Variants in SMAD4 observed in about 807,000 individuals in gnomAD.
The protein encoded by SMAD4 is SMAD family member 4, also known as MAD homolog 4.
A neutral mutation model predicts 63.2 loss-of-function variants in SMAD4; 7 were observed. The ratio of observed to expected loss-of-function variants is 0.11; its 90% CI spans 0.06 to 0.21. The LOEUF (loss-of-function observed/expected upper bound fraction) is 0.21, where lower values mean the gene tolerates loss of function less well. SMAD4 is among the 10% of genes least tolerant of loss of function. The pLI, the probability that SMAD4 is intolerant of heterozygous loss-of-function variation, is 1.00. For synonymous variants in SMAD4, 215 were observed against 235.4 expected (o/e 0.91, Z 0.79); for missense variants, 312 against 693.8 (o/e 0.45, Z 6.18).
At chr18:51,043,423 T>G (rs2144393393) in intron 1 of SMAD4, among the ~76,000 whole-genome samples, 1 of 152,318 alleles carries the variant, frequency 6.6e-6, no homozygotes, top group Non-Finnish European at 1.5e-5. Context: ...ATGTTAACAT[T>G]CAGTCATGCG....
chr18:51,081,843 A>G lies in SMAD4; in HGVS notation c.*3376A>G, dbSNP rs559571514. 2 of 232,384 alleles carry G rather than the reference A, an allele frequency of 8.6e-6. No individual in the cohort carries two copies. The highest frequency in any genetic ancestry group is 1.1e-4 in the Admixed American group (2 of 17,774). The allele number at this position is 232,384 out of a possible 1,614,324, so 14.4% of individuals were successfully genotyped here. ...GTCATCTGGGGAAGGAAAATTTTACATTTTACTATTAATGCTCCTTAAGTG... is the reference window on the plus strand; with the variant it reads ...GTCATCTGGGGAAGGAAAATTTTACGTTTTACTATTAATGCTCCTTAAGTG... On this transcript the variant is annotated 3_prime_UTR_variant, in exon 12 of 12. Transcript: ENST00000342988.
chr18:51,083,500 T>C lies in SMAD4; in HGVS notation c.*5033T>C, dbSNP rs956633874. 11 of 227,434 alleles carry C rather than the reference T, an allele frequency of 4.8e-5. No individual in the cohort carries two copies. The highest frequency in any genetic ancestry group is 1.8e-4 in the African/African-American group (8 of 44,926). The allele number at this position is 227,434 out of a possible 1,614,324, so 14.1% of individuals were successfully genotyped here. On this transcript the variant is annotated 3_prime_UTR_variant, in exon 12 of 12. Coordinates refer to ENST00000342988, the MANE Select transcript of SMAD4 (RefSeq NM_005359.6). Reference sequence around the variant, plus strand: ...AATGTAGTAAGGACTAAGGAAAACCTTTGGTGAAGACAATCATTTCTCTCT... The same window carrying C: ...AATGTAGTAAGGACTAAGGAAAACCCTTGGTGAAGACAATCATTTCTCTCT...
chr18:51,081,927 G>A lies in SMAD4; in HGVS notation c.*3460G>A, dbSNP rs1351075049. On this transcript the variant is annotated 3_prime_UTR_variant, in exon 12 of 12. Transcript: ENST00000342988. Reference sequence around the variant, plus strand: ...TTCTGTGCCTGGTTTGATGGTAACTGGTTAATAGTTACTCACCATTTTATG... The same window carrying A: ...TTCTGTGCCTGGTTTGATGGTAACTAGTTAATAGTTACTCACCATTTTATG... 4.3e-6 allele frequency: 1 copy of A among 231,978 alleles called. No individual in the cohort carries two copies. The highest frequency in any genetic ancestry group is 2.2e-5 in the African/African-American group (1 of 45,256). The allele number at this position is 231,978 out of a possible 1,614,324, so 14.4% of individuals were successfully genotyped here. A position where few individuals can be genotyped will look rare whatever the true frequency, so the allele number is the denominator to read the frequency against.
intron 8 of SMAD4, among the ~76,000 whole-genome samples, chr18:51,062,671 G>C (rs566704721): frequency 1.3e-5 from 2 of 150,030 alleles, no homozygotes; most frequent in Admixed American, 6.7e-5. Flanking sequence ...GCTAATTTTT[G>C]TATTGTTAGT....
At chr18:51,049,003 C>T (rs1265647595) in intron 3 of SMAD4, 143 bp downstream of exon 3, 2 of 749,880 alleles carry the variant, frequency 2.7e-6, no homozygotes, top group East Asian at 2.7e-5. Flanking sequence ...TTTTAATATA[C>T]GTATTTAAAT....
At chr18:51,051,561 G>T in intron 4 of SMAD4, 2 of 372,558 alleles carry the variant, frequency 5.4e-6, no homozygotes, top group Non-Finnish European at 1.0e-5. Context: ...TATTTAATAA[G>T]CATGTATTGC....
chr18:51,056,477 T>G (rs1909846713), intron 5 of SMAD4, among the ~76,000 whole-genome samples: 4 of 151,816 alleles, frequency 2.6e-5, no homozygotes, highest in Admixed American at 2.6e-4. Context: ...AATGTTCCCT[T>G]ATGTGGTGGC....
At chr18:51,048,963 G>A (rs1909627714) in intron 3 of SMAD4, 103 bp downstream of exon 3, 3 of 987,046 alleles carry the variant, frequency 3.0e-6, no homozygotes, top group East Asian at 2.5e-5. Context: ...GATAGCCCGC[G>A]ACTTTAAATA....
intron 8 of SMAD4, 83 bp downstream of exon 8, chr18:51,059,999 T>C (rs1226119180): frequency 9.7e-7 from 1 of 1,031,416 alleles, no homozygotes; most frequent in Non-Finnish European, 1.5e-6. Context: ...TTTAATGGAA[T>C]TATGGGGTCA....
In SMAD4 at chr18:51,082,084, T is replaced by G. The variant is rs1338774749; in HGVS notation, c.*3617T>G. Reference sequence around the variant, plus strand: ...TTCGTTATTGCCAACTTTACTGGCATTTTATTTAATGATAGCAGATTGGGA... The same window carrying G: ...TTCGTTATTGCCAACTTTACTGGCAGTTTATTTAATGATAGCAGATTGGGA... On this transcript the variant is annotated 3_prime_UTR_variant, in exon 12 of 12. Transcript: ENST00000342988. 1 of 230,106 alleles carries G rather than the reference T, an allele frequency of 4.3e-6. No individual in the cohort carries two copies. Among genetic ancestry groups the G allele is most frequent in the Non-Finnish European group, 8.6e-6 (1 of 116,248 alleles). 14.3% of individuals were successfully genotyped at this position (230,106 alleles called of 1,614,324 possible). A position where few individuals can be genotyped will look rare whatever the true frequency, so the allele number is the denominator to read the frequency against.
At chr18:51,064,352 C>T (rs1910095010) in intron 8 of SMAD4, among the ~76,000 whole-genome samples, 1 of 152,196 alleles carries the variant, frequency 6.6e-6, no homozygotes, top group Non-Finnish European at 1.5e-5. Flanking sequence ...TCCCAATCAT[C>T]TGCTGTTCCA....
chr18:51,031,198 T>C (rs1909040289), intron 1 of SMAD4, among the ~76,000 whole-genome samples: 1 of 152,162 alleles, frequency 6.6e-6, no homozygotes, highest in Admixed American at 6.5e-5. Flanking sequence ...CAATAAAACA[T>C]GCTTCCTAAT....
chr18:51,031,974 T>G (rs926044914), intron 1 of SMAD4, among the ~76,000 whole-genome samples: 2 of 152,206 alleles, frequency 1.3e-5, no homozygotes, highest in African/African-American at 2.4e-5. Context: ...TGTAAAATGA[T>G]TAACATTTAA....
chr18:51,053,429 A>G (rs1302793098), intron 4 of SMAD4: 1 of 152,082 alleles, frequency 6.6e-6, no homozygotes, highest in Non-Finnish European at 1.5e-5. Context: ...AACTTGGCCA[A>G]TGTTGATGAG....
rs876659967 is a variant in SMAD4, at chr18:51,058,193, C to T, written c.736C>T (p.Pro246Ser). The change falls in exon 6 of 12, where the codon CCA becomes TCA. Residue 246 changes from proline (P) to serine (S), a missense_variant. Pro to Ser is a moderately conservative substitution (Grantham distance 74, BLOSUM62 -1). Transcript: ENST00000342988. Reference protein sequence around the residue: ...GLLQIASGPQPGQQQNGFTGQ... With the variant: ...GLLQIASGPQSGQQQNGFTGQ... ...GTTGCAGATAGCATCAGGGCCTCAG[C>T]CAGGACAGCAGCAGAATGGATTTAC... is the stretch of plus-strand genomic sequence containing the variant. The T allele has an allele frequency of 1.9e-6, 3 of 1,614,134 alleles. No homozygotes were observed. Among genetic ancestry groups the T allele is most frequent in the Non-Finnish European group, 2.5e-6 (3 of 1,179,996 alleles).
chr18:51,036,976 A>G (rs1163546736), intron 1 of SMAD4, among the ~76,000 whole-genome samples: 1 of 152,214 alleles, frequency 6.6e-6, no homozygotes, highest in Non-Finnish European at 1.5e-5. Flanking sequence ...CCTGACCAAC[A>G]TGGTGAAACC....
chr18:51,072,037 A>G (rs866702777), intron 10 of SMAD4, among the ~76,000 whole-genome samples: 3 of 152,180 alleles, frequency 2.0e-5, no homozygotes, highest in African/African-American at 7.2e-5. Context: ...CTTTTTGGCT[A>G]TGTTATGAAG....
intron 8 of SMAD4, among the ~76,000 whole-genome samples, chr18:51,060,683 GAGTGC>G (rs1909985297): frequency 6.6e-6 from 1 of 152,054 alleles, no homozygotes; most frequent in South Asian, 2.1e-4. Context: ...GCCCAAACTG[GAGTGC>G]AGTGGCATGA....
intron 4 of SMAD4, chr18:51,051,380 C>A (rs1909707173): frequency 2.2e-6 from 1 of 456,032 alleles, no homozygotes; most frequent in Non-Finnish European, 4.4e-6. Flanking sequence ...CTCACAGCTC[C>A]TTCTAGATTT....
Sources: allele counts gnomAD v4.1 joint callset (sites outside exome capture counted in the v4.1 genomes callset), GRCh38; gene constraint gnomAD v4.1.1; transcripts MANE v1.5; gene names NCBI Gene and HGNC (gene_info 2026-07-23, HGNC 2026-07-21).